The following ACOX3 variants were observed in gnomAD, a reference collection of about 807,000 sequenced individuals.
ACOX3 encodes the protein acyl-CoA oxidase 3, pristanoyl.
A neutral mutation model predicts 81.5 loss-of-function variants in ACOX3; 73 were observed. The observed-to-expected ratio is 0.90, with a 90% CI of 0.74 to 1.09. The LOEUF is 1.09. Among genes scored for constraint, ACOX3 ranks in the 50% least tolerant of loss-of-function variants. ACOX3 has a pLI of 0.00. For missense variants in ACOX3, 947 were observed against 928.0 expected (o/e 1.02, Z -0.27); for synonymous variants, 387 against 375.1 (o/e 1.03, Z -0.37).
rs1180684611 is a variant in ACOX3, at chr4:8,415,959, G to A, written c.185C>T (p.Ala62Val). 2.5e-6 allele frequency: 4 copies of A among 1,614,100 alleles called. No homozygotes were observed. Among genetic ancestry groups the A allele is most frequent in the Non-Finnish European group, 3.4e-6 (4 of 1,180,048 alleles). Residue 62 changes from alanine to valine, a missense_variant, in exon 3 of 18, where the codon GCT becomes GTT. Physicochemically the swap from Ala to Val is moderately conservative, Grantham distance 64. Transcript: ENST00000356406. ...FSALENDPLFARSPGADLSLE... is the reference protein window; with the variant it reads ...FSALENDPLFVRSPGADLSLE... ...GGACAGATCGGCTCCAGGGGAACGAGCGAAAAGAGGGTCATTCTCAAGAGC... is the reference window on the plus strand; with the variant it reads ...GGACAGATCGGCTCCAGGGGAACGAACGAAAAGAGGGTCATTCTCAAGAGC...
intron 10 of ACOX3, among the ~76,000 whole-genome samples, chr4:8,393,669 A>G (rs1719335661): frequency 6.6e-6 from 1 of 151,692 alleles, no homozygotes. Flanking sequence ...ACGCATGCTA[A>G]GTCCAGTGAC....
In ACOX3 at chr4:8,366,488, T is replaced by C. The variant is rs1715460804; in HGVS notation, c.*473A>G. 1 of 155,582 alleles carries C rather than the reference T, an allele frequency of 6.4e-6. No individual in the cohort carries two copies. Among genetic ancestry groups the C allele is most frequent in the Non-Finnish European group, 1.4e-5 (1 of 70,088 alleles). The allele number at this position is 155,582 out of a possible 1,614,324, so 9.6% of individuals were successfully genotyped here. ...ATGATCTATGTGCAAATTAATAAGG[T>C]TATGACATAATTCAATTATGTGACA... On this transcript the variant is annotated 3_prime_UTR_variant, in exon 18 of 18. Transcript: ENST00000356406.
rs1302912931 is a variant in ACOX3 at position 8,377,568 on chromosome 4, G to A, written c.1654-2416C>T. Among the ~76,000 whole-genome samples the A allele has an allele frequency of 7.9e-5, 12 of 152,328 alleles. No homozygotes were observed. In the East Asian group the frequency reaches 1.9e-3, roughly 25 times the overall value. The stretch of plus-strand genomic sequence containing the variant: ...GGCGGCTCTCTCACAGGAAGCGCCT[G>A]CGATGGCAGCTCTACTGTACTCAAC... On this transcript the variant is annotated intron_variant, in intron 14 of 17. Coordinates refer to ENST00000356406, the MANE Select transcript of ACOX3 (RefSeq NM_003501.3).
intron 17 of ACOX3, among the ~76,000 whole-genome samples, chr4:8,367,791 G>A (rs1328113584): frequency 3.6e-5 from 3 of 83,800 alleles, no homozygotes; most frequent in African/African-American, 4.5e-5. Context: ...GCAACACGGC[G>A]AAACCCCATC....
chr4:8,440,148 T>C (rs1315537999), intron 1 of ACOX3, among the ~76,000 whole-genome samples: 1 of 138,882 alleles, frequency 7.2e-6, no homozygotes, highest in East Asian at 2.1e-4. Context: ...GCTTGCTCAA[T>C]TTATCACGAC....
chr4:8,381,323 G>A lies in ACOX3; in HGVS notation c.1653+169C>T, dbSNP rs2108823268. The stretch of plus-strand genomic sequence containing the variant: ...GCAAGACAGGTGCTGCCATCCCTGT[G>A]TTACAGAGGAGCTGAGCAAGCAGCA... On this transcript the variant is annotated intron_variant, in intron 14 of 17. Transcript: ENST00000356406. This position sits in a 1 kb window ranked among gnomAD's most constrained non-coding sequence, Gnocchi z 4.3. Among the ~76,000 whole-genome samples, 1 of 152,326 alleles carries A rather than the reference G, an allele frequency of 6.6e-6. No homozygotes were observed. The highest frequency in any genetic ancestry group is 2.1e-4 in the South Asian group (1 of 4,830).
chr4:8,379,785 A>T (rs999460955), intron 14 of ACOX3, among the ~76,000 whole-genome samples: 1 of 152,132 alleles, frequency 6.6e-6, no homozygotes, highest in African/African-American at 2.4e-5. Flanking sequence ...CCATTAAAAA[A>T]ATGTTTTCTT....
rs569115656 is a variant in ACOX3, at chr4:8,411,950, T to G, written c.544-1595A>C. 3.3e-5 allele frequency among the ~76,000 whole-genome samples: 5 copies of G among 152,264 alleles called. No individual in the cohort carries two copies. In the South Asian group the frequency reaches 1.0e-3, roughly 32 times the overall value. On this transcript the variant is annotated intron_variant, in intron 5 of 17. Transcript: ENST00000356406. ...ATCCTGGGCACCCCAACTCTACGGA[T>G]CTGATGCCACACTCTGACCTCCACT...
At chr4:8,397,419 G>A (rs904710593) in intron 8 of ACOX3, among the ~76,000 whole-genome samples, 3 of 152,178 alleles carry the variant, frequency 2.0e-5, no homozygotes, top group African/African-American at 4.8e-5. Flanking sequence ...CCCACTGTGG[G>A]GACTTGCAAA....
chr4:8,375,820 A>G (rs1174787509), intron 14 of ACOX3, among the ~76,000 whole-genome samples: 1 of 152,240 alleles, frequency 6.6e-6, no homozygotes, highest in Non-Finnish European at 1.5e-5. Flanking sequence ...GTGCAGCTGC[A>G]TCCATGTTGC....
chr4:8,399,499 C>T lies in ACOX3; in HGVS notation c.873+57G>A. 2 of 1,448,364 alleles carry T rather than the reference C, an allele frequency of 1.4e-6. No homozygotes were observed. Among genetic ancestry groups the T allele is most frequent in the South Asian group, 1.2e-5 (1 of 86,760 alleles). 89.7% of individuals were successfully genotyped at this position (1,448,364 alleles called of 1,614,324 possible). A position where few individuals can be genotyped will look rare whatever the true frequency, so the allele number is the denominator to read the frequency against. Reference sequence around the variant, plus strand: ...TGCAGGGAGGAGCACAGAGCCAGGCCCTGCAGAGGAAGGCACCTGGGAAGC... The same window carrying T: ...TGCAGGGAGGAGCACAGAGCCAGGCTCTGCAGAGGAAGGCACCTGGGAAGC... On this transcript the variant is annotated intron_variant, in intron 8 of 17. Transcript: ENST00000356406. The surrounding 1 kb of genome is among the most constrained non-coding windows in gnomAD (Gnocchi z 4.9).
At chr4:8,388,845 G>A (rs536355082) in intron 13 of ACOX3, among the ~76,000 whole-genome samples, 1 of 152,330 alleles carries the variant, frequency 6.6e-6, no homozygotes, top group East Asian at 1.9e-4. Context: ...AGGCACCAGG[G>A]CAGGGGGCAG....
At chr4:8,356,752 A>G in the ACOX3 span, 4 of 456,344 alleles carry the variant, frequency 8.8e-6, no homozygotes, top group South Asian at 6.2e-5. Flanking sequence ...AGTGTGCAGA[A>G]TGGTGCACGC....
At chr4:8,415,032 G>T in intron 3 of ACOX3, 104 bp from the exon 4 acceptor site, 1 of 1,057,810 alleles carries the variant, frequency 9.5e-7, no homozygotes, top group Non-Finnish European at 1.5e-6. Flanking sequence ...GCCCACGCTG[G>T]TTCCCTGCCA....
rs184665219 is a variant in ACOX3, at chr4:8,400,661, C to T, written c.777-1009G>A. On this transcript the variant is annotated intron_variant, in intron 7 of 17. Coordinates refer to ENST00000356406, the MANE Select transcript of ACOX3 (RefSeq NM_003501.3). This position sits in a 1 kb window ranked among gnomAD's most constrained non-coding sequence, Gnocchi z 4.4. ...AGGCTATGCTAGGTTAAGAATATTA[C>T]ATAAACTGTGCAAAAACCCCCCAAA... Among the ~76,000 whole-genome samples the T allele has an allele frequency of 1.7e-3, 253 of 152,280 alleles. 1 individual carries two copies. The highest frequency in any genetic ancestry group is 5.6e-3 in the African/African-American group (233 of 41,544).
At chr4:8,356,678 G>A in the ACOX3 span, 1 of 455,928 alleles carries the variant, frequency 2.2e-6, no homozygotes, top group Non-Finnish European at 4.4e-6. Flanking sequence ...TTCCTGGCAG[G>A]TGAGGGGAAG....
At chr4:8,403,212 C>A (rs1019333543) in intron 7 of ACOX3, among the ~76,000 whole-genome samples, 2 of 152,198 alleles carry the variant, frequency 1.3e-5, no homozygotes, top group African/African-American at 2.4e-5. Flanking sequence ...CAAATTGTAA[C>A]CACTTTTTTC....
intron 16 of ACOX3, among the ~76,000 whole-genome samples, chr4:8,372,790 T>C (rs775099508): frequency 1.3e-5 from 2 of 152,224 alleles, no homozygotes; most frequent in Non-Finnish European, 2.9e-5. Flanking sequence ...TGTGCTAAAA[T>C]GCAGCAGCAC....
chr4:8,401,501 A>G (rs778725031), intron 7 of ACOX3, among the ~76,000 whole-genome samples: 1 of 151,976 alleles, frequency 6.6e-6, no homozygotes, highest in Non-Finnish European at 1.5e-5. Flanking sequence ...CCTAGGACCC[A>G]GCACCTCCAT....
Sources: gnomAD v4.1 joint callset for allele counts (sites outside exome capture counted in the v4.1 genomes callset) on GRCh38, gnomAD v4.1.1 for gene constraint, Gnocchi (gnomAD v3.1) non-coding constraint, MANE v1.5 for transcripts, NCBI Gene and HGNC (gene_info 2026-07-23, HGNC 2026-07-21) for gene names.